Variants in SLC22A3 observed in about 807,000 individuals in gnomAD.
SLC22A3 encodes solute carrier family 22 member 3.
In SLC22A3, 51 loss-of-function variants were observed where a neutral mutation model predicts 59.1. The ratio of observed to expected loss-of-function variants is 0.86; its 90% CI spans 0.69 to 1.09. The LOEUF (loss-of-function observed/expected upper bound fraction) is 1.09, where lower values mean the gene tolerates loss of function less well. SLC22A3 is among the 50% of genes least tolerant of loss of function. The pLI, the probability that SLC22A3 is intolerant of heterozygous loss-of-function variation, is 0.00. For synonymous variants in SLC22A3, 325 were observed against 292.0 expected, an observed-to-expected ratio of 1.11 and a Z score of -1.15; for missense variants, 711 against 726.3, an observed-to-expected ratio of 0.98 and a Z score of 0.24.
In SLC22A3 at chr6:160,404,226, A is replaced by G. The variant is rs1419643095; in HGVS notation, c.534-2815A>G. Among the ~76,000 whole-genome samples the G allele has an allele frequency of 2.0e-5, 3 of 152,142 alleles. No individual in the cohort carries two copies. The East Asian group carries it at 5.8e-4, about 29-fold the overall frequency. On this transcript the variant is annotated intron_variant, in intron 2 of 10. Transcript: ENST00000275300. ...AAAAAAAAAAACTCCTGAAACTAAT[A>G]AGTGAGTATAGTGAAGTTGCAGGGT...
intron 5 of SLC22A3, among the ~76,000 whole-genome samples, chr6:160,418,255 T>G (rs1486109472): frequency 6.6e-6 from 1 of 152,174 alleles, no homozygotes; most frequent in East Asian, 1.9e-4. Context: ...GTCTTCTAGC[T>G]TTCATCATTC....
intron 4 of SLC22A3, 121 bp from the exon 5 acceptor site, chr6:160,410,608 C>G: frequency 1.4e-6 from 1 of 736,420 alleles, no homozygotes; most frequent in Non-Finnish European, 2.5e-6. Context: ...ATTATCAACT[C>G]TTATTGACTC....
chr6:160,373,902 G>A lies in SLC22A3; in HGVS notation c.430-24077G>A, dbSNP rs372460897. Among the ~76,000 whole-genome samples, 589 of 152,246 alleles carry A rather than the reference G, an allele frequency of 3.9e-3. 4 individuals carry two copies. The highest frequency in any genetic ancestry group is 0.013 in the African/African-American group (537 of 41,546). ...CAGGTCGATTTCAGACTGCTGTGCC[G>A]GCAGCAAGATTTTCAAGCCAGTGGA... On this transcript the variant is annotated intron_variant, in intron 1 of 10. Transcript: ENST00000275300.
intron 1 of SLC22A3, among the ~76,000 whole-genome samples, chr6:160,382,961 GAA>G (rs1317480663): frequency 6.6e-6 from 1 of 152,082 alleles, no homozygotes; most frequent in Non-Finnish European, 1.5e-5. Context: ...AAGAATAAGT[GAA>G]ATTGACAATA....
chr6:160,351,576 C>T (rs1175871690), intron 1 of SLC22A3, among the ~76,000 whole-genome samples: 2 of 152,352 alleles, frequency 1.3e-5, no homozygotes, highest in Non-Finnish European at 1.5e-5. Context: ...TTTGGTTCAA[C>T]TAATTTTTTT....
At chr6:160,421,087 C>G (rs1038212157) in intron 5 of SLC22A3, among the ~76,000 whole-genome samples, 4 of 152,198 alleles carry the variant, frequency 2.6e-5, no homozygotes, top group African/African-American at 9.6e-5. Flanking sequence ...TCTGTCCTGT[C>G]CCTACACATC....
intron 5 of SLC22A3, among the ~76,000 whole-genome samples, chr6:160,427,838 A>G (rs73592918): frequency 0.028 from 4,255 of 152,290 alleles, 174 homozygotes; most frequent in African/African-American, 0.093. Flanking sequence ...GTATCCATAC[A>G]TGCTACCATA....
At chr6:160,444,887 A>C (rs1195373279) in intron 9 of SLC22A3, among the ~76,000 whole-genome samples, 1 of 152,206 alleles carries the variant, frequency 6.6e-6, no homozygotes, top group East Asian at 1.9e-4. Context: ...CTACCACTTG[A>C]CACCAGTGAC....
chr6:160,447,871 G>A, intron 10 of SLC22A3, 53 bp downstream of exon 10: 2 of 1,301,428 alleles, frequency 1.5e-6, no homozygotes, highest in Non-Finnish European at 1.1e-6. Context: ...TAAAACCACG[G>A]GGGAAAGAAT....
chr6:160,355,644 T>C (rs1375669630), intron 1 of SLC22A3, among the ~76,000 whole-genome samples: 1 of 150,876 alleles, frequency 6.6e-6, no homozygotes, highest in South Asian at 2.1e-4. Context: ...TGGTGGCGGC[T>C]GCCTGTAGTC....
At chr6:160,398,220 A>T (rs533627294) in intron 2 of SLC22A3, 138 bp downstream of exon 2, 3 of 662,840 alleles carry the variant, frequency 4.5e-6, no homozygotes, top group South Asian at 4.5e-5. Flanking sequence ...CATTCATGAC[A>T]TCCACACTTG....
Position 160,355,012 on chromosome 6 carries a change from G to A in SLC22A3, c.429+6164G>A, listed in dbSNP as rs373926016. On this transcript the variant is annotated intron_variant, in intron 1 of 10. Transcript: ENST00000275300. ...CCGGAGGATGGTGGAACTCTTACAC[G>A]GAAGGATATGCGTTCCTGGAGGCAT... is the stretch of plus-strand genomic sequence containing the variant. Among the ~76,000 whole-genome samples the A allele has an allele frequency of 2.6e-3, 397 of 152,302 alleles. 2 individuals are homozygous for A. Among genetic ancestry groups the A allele is most frequent in the African/African-American group, 8.5e-3 (353 of 41,560 alleles).
At chr6:160,414,183 G>A (rs1188020691) in intron 5 of SLC22A3, among the ~76,000 whole-genome samples, 1 of 152,168 alleles carries the variant, frequency 6.6e-6, no homozygotes, top group Non-Finnish European at 1.5e-5. Context: ...CCTGGTAGCT[G>A]CTTGTCTCTT....
chr6:160,372,721 G>T (rs2114777137), intron 1 of SLC22A3, among the ~76,000 whole-genome samples: 1 of 151,858 alleles, frequency 6.6e-6, no homozygotes, highest in East Asian at 1.9e-4. Flanking sequence ...TGCTGATCTT[G>T]TCTTCATGAT....
At chr6:160,357,809 A>G (rs1049248786) in intron 1 of SLC22A3, among the ~76,000 whole-genome samples, 7 of 152,182 alleles carry the variant, frequency 4.6e-5, no homozygotes, top group Non-Finnish European at 1.0e-4. Context: ...CAAATAAATA[A>G]ATGTCCAAGT....
chr6:160,445,995 C>T (rs570004971), intron 9 of SLC22A3, among the ~76,000 whole-genome samples: 1 of 152,108 alleles, frequency 6.6e-6, no homozygotes, highest in Non-Finnish European at 1.5e-5. Context: ...GTGGCCCAAG[C>T]CCCCCAGAAA....
In SLC22A3 at chr6:160,355,689, G is replaced by A. The variant is rs558726161; in HGVS notation, c.429+6841G>A. On this transcript the variant is annotated intron_variant, in intron 1 of 10. Coordinates refer to ENST00000275300, the MANE Select transcript of SLC22A3 (RefSeq NM_021977.4). ...GGGGAGGTTGAGGCAGGAGAATGGC[G>A]TGAACCCGGGAGGCGGAGCTTGCAG... Among the ~76,000 whole-genome samples, 149 of 151,828 alleles carry A rather than the reference G, an allele frequency of 9.8e-4. 1 individual carries two copies. Among genetic ancestry groups the A allele is most frequent in the African/African-American group, 3.3e-3 (137 of 41,482 alleles).
At chr6:160,409,062 G>T in intron 4 of SLC22A3, 141 bp downstream of exon 4, 2 of 648,722 alleles carry the variant, frequency 3.1e-6, no homozygotes, top group African/African-American at 2.3e-5. Context: ...GGGTACATGT[G>T]CACATTGTGC....
chr6:160,446,646 C>T (rs1456998848), intron 9 of SLC22A3, among the ~76,000 whole-genome samples: 2 of 152,150 alleles, frequency 1.3e-5, no homozygotes, highest in Admixed American at 1.3e-4. Flanking sequence ...GATTACAATT[C>T]GAGATGAGAT....
Sources: allele counts gnomAD v4.1 joint callset (sites outside exome capture counted in the v4.1 genomes callset), GRCh38; gene constraint gnomAD v4.1.1; transcripts MANE v1.5; gene names NCBI Gene and HGNC (gene_info 2026-07-23, HGNC 2026-07-21).